Variants in SETBP1 observed in about 807,000 individuals in gnomAD.
The protein encoded by SETBP1 is SET binding protein 1, also known as SET-binding protein.
A neutral mutation model predicts 101.0 loss-of-function variants in SETBP1; 9 were observed. The observed-to-expected ratio is 0.09, with a 90% CI of 0.05 to 0.16. The LOEUF (loss-of-function observed/expected upper bound fraction) is 0.16, where lower values mean the gene tolerates loss of function less well. Among genes scored for constraint, SETBP1 ranks in the 10% least tolerant of loss-of-function variants. The pLI is 1.00. For synonymous variants in SETBP1, 818 were observed against 788.5 expected (o/e 1.04, Z -0.63); for missense variants, 1,858 against 2,033.8 (o/e 0.91, Z 1.66).
chr18:44,769,895 A>G (rs1031448141), intron 2 of SETBP1, among the ~76,000 whole-genome samples: 4 of 152,210 alleles, frequency 2.6e-5, no homozygotes, highest in Admixed American at 6.5e-5. Flanking sequence ...CATCTAGACC[A>G]TGTACATGAA....
chr18:45,003,331 G>A (rs2072656008), intron 4 of SETBP1, among the ~76,000 whole-genome samples: 1 of 152,170 alleles, frequency 6.6e-6, no homozygotes, highest in African/African-American at 2.4e-5. Flanking sequence ...CAAACTCCAA[G>A]TGACATTTAA....
At chr18:44,987,343 A>G (rs967467415) in intron 4 of SETBP1, 1 of 152,228 alleles carries the variant, frequency 6.6e-6, no homozygotes, top group African/African-American at 2.4e-5. Context: ...AAGATAGCAT[A>G]AAACACAGAG....
intron 3 of SETBP1, among the ~76,000 whole-genome samples, chr18:44,932,389 A>G (rs1374506247): frequency 1.3e-5 from 2 of 151,960 alleles, no homozygotes; most frequent in East Asian, 3.9e-4. Flanking sequence ...CTTCATTTCA[A>G]CTTAGGTGAA....
At chr18:44,961,123 G>A (rs1221182027) in intron 4 of SETBP1, among the ~76,000 whole-genome samples, 1 of 152,168 alleles carries the variant, frequency 6.6e-6, no homozygotes, top group African/African-American at 2.4e-5. Context: ...GAGAGTCAGA[G>A]GGAATGAAGG....
At chr18:44,893,587 A>G (rs1444988309) in intron 3 of SETBP1, among the ~76,000 whole-genome samples, 2 of 152,108 alleles carry the variant, frequency 1.3e-5, no homozygotes, top group Non-Finnish European at 2.9e-5. Context: ...GGCCTTCCTG[A>G]AGTGGTAACA....
chr18:44,969,607 G>A (rs1019807840), intron 4 of SETBP1, among the ~76,000 whole-genome samples: 1 of 152,134 alleles, frequency 6.6e-6, no homozygotes, highest in Middle Eastern at 3.2e-3. Context: ...AGAAAAGCAG[G>A]CGCACTTCCA....
intron 4 of SETBP1, among the ~76,000 whole-genome samples, chr18:45,000,793 A>AACAC (rs113870439): frequency 0.27 from 38,982 of 146,458 alleles, 5,456 homozygotes; most frequent in Middle Eastern, 0.48. Flanking sequence ...GAATGCACAC[A>AACAC]ACACACACAC....
chr18:45,051,664 T>A (rs2073723770), intron 5 of SETBP1, among the ~76,000 whole-genome samples: 1 of 152,216 alleles, frequency 6.6e-6, no homozygotes, highest in Non-Finnish European at 1.5e-5. Context: ...CATGTGTTCC[T>A]TTTCCAGGGG....
At chr18:44,947,600 G>A (rs755611876) in intron 3 of SETBP1, among the ~76,000 whole-genome samples, 2 of 148,588 alleles carry the variant, frequency 1.3e-5, no homozygotes, top group Admixed American at 6.9e-5. Flanking sequence ...TCTACTTCCC[G>A]GGTTCAAGTG....
intron 3 of SETBP1, chr18:44,876,675 G>A (rs1276559098): frequency 1.3e-6 from 2 of 1,547,662 alleles, no homozygotes; most frequent in African/African-American, 1.4e-5. Flanking sequence ...CATGCCCCCG[G>A]AACCCATTCC....
At chr18:44,820,563 C>T (rs1386338082) in intron 2 of SETBP1, among the ~76,000 whole-genome samples, 1 of 152,136 alleles carries the variant, frequency 6.6e-6, no homozygotes, top group Admixed American at 6.5e-5. Context: ...ACTGTGCAGG[C>T]ACAGGGCACA....
At chr18:44,912,945 T>C (rs1386338248) in intron 3 of SETBP1, among the ~76,000 whole-genome samples, 2 of 152,114 alleles carry the variant, frequency 1.3e-5, no homozygotes, top group Non-Finnish European at 2.9e-5. Context: ...CTCTGGCACC[T>C]CTCTTCAGTG....
chr18:44,817,387 A>T (rs945430254), intron 2 of SETBP1, among the ~76,000 whole-genome samples: 3 of 152,040 alleles, frequency 2.0e-5, no homozygotes, highest in Non-Finnish European at 2.9e-5. Context: ...CACAGGCAAG[A>T]ATCTAGCCCA....
intron 4 of SETBP1, chr18:44,988,759 C>A (rs2072293254): frequency 6.6e-6 from 1 of 152,086 alleles, no homozygotes. Context: ...CAGTAAAAGA[C>A]TGAAATAGCA....
Position 44,874,017 on chromosome 18 carries a change from G to A in SETBP1, c.540+4734G>A, listed in dbSNP as rs191181002. ...TTGACAGTCAGCTCTGCACCCCAGCGTGCCACTGGGATAGCTTCCACAATT... is the reference window on the plus strand; with the variant it reads ...TTGACAGTCAGCTCTGCACCCCAGCATGCCACTGGGATAGCTTCCACAATT... On this transcript the variant is annotated intron_variant, in intron 3 of 5. Coordinates refer to ENST00000649279, the MANE Select transcript of SETBP1 (RefSeq NM_015559.3). Among the ~76,000 whole-genome samples, 23 of 152,286 alleles carry A rather than the reference G, an allele frequency of 1.5e-4. No individual in the cohort carries two copies. The East Asian group carries it at 2.1e-3, about 14-fold the overall frequency.
chr18:44,762,633 T>C (rs991346675), intron 2 of SETBP1, among the ~76,000 whole-genome samples: 1 of 152,152 alleles, frequency 6.6e-6, no homozygotes, highest in Non-Finnish European at 1.5e-5. Context: ...GAGTTTCCCA[T>C]TGAGGCTGGG....
At chr18:44,899,582 G>A (rs1439629435) in intron 3 of SETBP1, among the ~76,000 whole-genome samples, 1 of 152,190 alleles carries the variant, frequency 6.6e-6, no homozygotes, top group Non-Finnish European at 1.5e-5. Flanking sequence ...CACGCTGGCA[G>A]TAATGAAGGG....
At chr18:44,751,175 G>A (rs2070373157) in intron 2 of SETBP1, among the ~76,000 whole-genome samples, 1 of 152,188 alleles carries the variant, frequency 6.6e-6, no homozygotes. Context: ...GGGTAGGCAA[G>A]GGAGGAGAAA....
At chr18:44,753,223 C>T (rs1284647055) in intron 2 of SETBP1, among the ~76,000 whole-genome samples, 1 of 152,170 alleles carries the variant, frequency 6.6e-6, no homozygotes, top group African/African-American at 2.4e-5. Context: ...ACTGAGGCTG[C>T]TCTTGTGTTG....
Sources: gnomAD v4.1 joint callset for allele counts (sites outside exome capture counted in the v4.1 genomes callset) on GRCh38, gnomAD v4.1.1 for gene constraint, MANE v1.5 for transcripts, NCBI Gene and HGNC (gene_info 2026-07-23, HGNC 2026-07-21) for gene names.